POLR3F: variants seen among roughly 807,000 people sequenced by gnomAD.
POLR3F encodes the protein DNA-directed RNA polymerase III subunit RPC6.
A neutral mutation model predicts 43.6 loss-of-function variants in POLR3F; 31 were observed. The ratio of observed to expected loss-of-function variants is 0.71; its 90% CI spans 0.53 to 0.96. The LOEUF (loss-of-function observed/expected upper bound fraction) is 0.96, where lower values mean the gene tolerates loss of function less well. POLR3F is among the 40% of genes least tolerant of loss of function. The probability of loss-of-function intolerance (pLI) is 0.00; values close to 1 mark genes in which losing one functional copy is unlikely to be tolerated. For synonymous variants in POLR3F, 114 were observed against 132.5 expected, an observed-to-expected ratio of 0.86 and a Z score of 0.96; for missense variants, 316 against 391.7, an observed-to-expected ratio of 0.81 and a Z score of 1.63.
intron 5 of POLR3F, among the ~76,000 whole-genome samples, chr20:18,475,738 A>G (rs1245223467): frequency 6.6e-6 from 1 of 152,210 alleles, no homozygotes; most frequent in East Asian, 1.9e-4. Flanking sequence ...TTGCTTCAAT[A>G]CACATTTCAT....
At chr20:18,474,239 C>G (rs2059768653) in intron 4 of POLR3F, among the ~76,000 whole-genome samples, 1 of 151,934 alleles carries the variant, frequency 6.6e-6, no homozygotes, top group South Asian at 2.1e-4. Context: ...CATTGCTTCT[C>G]ACACAGGGCT....
chr20:18,477,659 T>C lies in POLR3F; in HGVS notation c.430-2379T>C, dbSNP rs142971968. On this transcript the variant is annotated intron_variant, in intron 5 of 8. Coordinates refer to ENST00000377603, the MANE Select transcript of POLR3F (RefSeq NM_006466.4). ...ATATGAGTAAATCTTAAATGCATAT[T>C]GCTAAGTAAAAGAAGCCAGTCCGAA... 6.2e-3 allele frequency among the ~76,000 whole-genome samples: 946 copies of C among 152,318 alleles called. 14 individuals are homozygous for C. The highest frequency in any genetic ancestry group is 0.022 in the African/African-American group (900 of 41,564).
chr20:18,474,228 T>C (rs971040079), intron 4 of POLR3F, among the ~76,000 whole-genome samples: 1 of 152,020 alleles, frequency 6.6e-6, no homozygotes, highest in Non-Finnish European at 1.5e-5. Flanking sequence ...GAAAAAGAAA[T>C]CATTGCTTCT....
intron 1 of POLR3F, among the ~76,000 whole-genome samples, chr20:18,468,197 C>T (rs1198530585): frequency 6.6e-6 from 1 of 152,210 alleles, no homozygotes; most frequent in East Asian, 1.9e-4. Context: ...CTGCCTTAGC[C>T]TCCCGAGTAG....
chr20:18,469,907 T>G (rs189044839), intron 2 of POLR3F, among the ~76,000 whole-genome samples: 66 of 152,338 alleles, frequency 4.3e-4, no homozygotes, highest in African/African-American at 1.5e-3. Flanking sequence ...CATCAGGGTT[T>G]CATTCTCCAC....
intron 8 of POLR3F, among the ~76,000 whole-genome samples, chr20:18,482,243 C>T (rs2059814680): frequency 1.3e-5 from 2 of 152,092 alleles, no homozygotes; most frequent in Non-Finnish European, 2.9e-5. Flanking sequence ...CTCAGCCTCC[C>T]AAAGTGCTGA....
chr20:18,469,133 G>A (rs1038151482), intron 2 of POLR3F, 72 bp downstream of exon 2: 19 of 774,890 alleles, frequency 2.5e-5, no homozygotes, highest in Non-Finnish European at 4.0e-5. Flanking sequence ...ATGTAGTTGT[G>A]ATGGTTAATT....
At chr20:18,473,089 G>T in intron 3 of POLR3F, 180 bp downstream of exon 3, 3 of 378,372 alleles carry the variant, frequency 7.9e-6, no homozygotes, top group Non-Finnish European at 1.4e-5. Context: ...CTTTCTTCTA[G>T]CTATATATAA....
At chr20:18,478,824 C>CTA (rs954278796) in intron 5 of POLR3F, among the ~76,000 whole-genome samples, 1 of 152,114 alleles carries the variant, frequency 6.6e-6, no homozygotes, top group African/African-American at 2.4e-5. Flanking sequence ...TGGTTTCTAT[C>CTA]ATGCAATAAA....
Position 18,483,499 on chromosome 20 carries a change from G to A in POLR3F, c.892G>A (p.Glu298Lys), listed in dbSNP as rs779623504. The A allele has an allele frequency of 6.5e-7, 1 of 1,526,762 alleles. No individual in the cohort carries two copies. Among genetic ancestry groups the A allele is most frequent in the Non-Finnish European group, 8.9e-7 (1 of 1,119,248 alleles). The allele number at this position is 1,526,762 out of a possible 1,614,324, so 94.6% of individuals were successfully genotyped here. The change falls in exon 9 of 9, where the codon GAA becomes AAA. Residue 298 changes from glutamate (E) to lysine (K), a missense_variant. Physicochemically the swap from Glu to Lys is moderately conservative, Grantham distance 56. Around this residue, in one of 3 missense-constraint regions of POLR3F, gnomAD observed 85 missense variants for 80.2 expected, o/e 1.06. Coordinates refer to ENST00000377603, the MANE Select transcript of POLR3F (RefSeq NM_006466.4). ...TTTAAAGGTTTTTGATGACTGCCAC[G>A]AAGGTGGTGAGATTTCACCATCTAA... ...GLCPVFDDCH[E>K]GGEISPSNCI...
At chr20:18,480,556 C>T (rs1317211927) in intron 7 of POLR3F, 47 bp downstream of exon 7, 11 of 1,076,676 alleles carry the variant, frequency 1.0e-5, no homozygotes, top group African/African-American at 1.6e-5. Flanking sequence ...TTCTTTGTCA[C>T]ATACAATGTA....
chr20:18,480,861 T>C (rs981589087), intron 7 of POLR3F, among the ~76,000 whole-genome samples: 1 of 152,078 alleles, frequency 6.6e-6, no homozygotes. Flanking sequence ...ATTCTTTTTT[T>C]AAGGACACTG....
intron 5 of POLR3F, 23 bp from the exon 6 acceptor site, chr20:18,480,015 G>T: frequency 6.4e-7 from 1 of 1,563,746 alleles, no homozygotes; most frequent in South Asian, 1.2e-5. Context: ...ATAAACACAT[G>T]AACTGTGCAT....
intron 2 of POLR3F, among the ~76,000 whole-genome samples, chr20:18,471,496 C>G (rs1023481464): frequency 2.6e-5 from 4 of 152,140 alleles, no homozygotes; most frequent in Non-Finnish European, 4.4e-5. Context: ...TAATGTTGTT[C>G]CCCCAAACAC....
At chr20:18,473,596 G>A (rs2059765104) in intron 4 of POLR3F, 138 bp downstream of exon 4, 1 of 452,584 alleles carries the variant, frequency 2.2e-6, no homozygotes, top group Non-Finnish European at 4.2e-6. Context: ...AATATAACAT[G>A]CATGTGCTTG....
At position 18,474,933 on chromosome 20, in the gene POLR3F, T is replaced by G. The variant is rs1360745221; in HGVS notation, c.317-142T>G. The stretch of plus-strand genomic sequence containing the variant: ...CAAAGCATTATACTTATTTATTGTT[T>G]AGCATACTTTTGCTACTTTAGCCAG... On this transcript the variant is annotated intron_variant, in intron 4 of 8. Coordinates refer to ENST00000377603, the MANE Select transcript of POLR3F (RefSeq NM_006466.4). 5 of 495,422 alleles carry G rather than the reference T, an allele frequency of 1.0e-5. No individual in the cohort carries two copies. The Admixed American group carries it at 1.9e-4, about 19-fold the overall frequency. 30.7% of individuals were successfully genotyped at this position (495,422 alleles called of 1,614,324 possible).
Position 18,467,457 on chromosome 20 carries a change from C to G in POLR3F, c.-50C>G, listed in dbSNP as rs773684124. The G allele has an allele frequency of 1.1e-4, 169 of 1,607,190 alleles. No individual in the cohort carries two copies. The highest frequency in any genetic ancestry group is 1.4e-4 in the Non-Finnish European group (160 of 1,173,868). On this transcript the variant is annotated 5_prime_UTR_variant, in exon 1 of 9. Coordinates refer to ENST00000377603, the MANE Select transcript of POLR3F (RefSeq NM_006466.4). Reference sequence around the variant, plus strand: ...GTTCCCCGGGTTCCCCGGCTTGCTACCGGGCTGCTCCGTGCATCTTTCCCC... The same window carrying G: ...GTTCCCCGGGTTCCCCGGCTTGCTAGCGGGCTGCTCCGTGCATCTTTCCCC...
chr20:18,469,721 A>C (rs745361703), intron 2 of POLR3F, among the ~76,000 whole-genome samples: 4 of 152,266 alleles, frequency 2.6e-5, no homozygotes, highest in Non-Finnish European at 4.4e-5. Flanking sequence ...ATTATGCGTT[A>C]TAAGACAAAT....
chr20:18,470,175 G>C (rs2059741081), intron 2 of POLR3F, among the ~76,000 whole-genome samples: 1 of 152,212 alleles, frequency 6.6e-6, no homozygotes, highest in Non-Finnish European at 1.5e-5. Context: ...TTTGGCTTTA[G>C]TAGCAGTTAG....
Sources: gnomAD v4.1 joint callset for allele counts (sites outside exome capture counted in the v4.1 genomes callset) on GRCh38, gnomAD v4.1.1 for gene constraint, gnomAD v4.1.1 regional missense constraint, MANE v1.5 for transcripts, NCBI Gene and HGNC (gene_info 2026-07-23, HGNC 2026-07-21) for gene names.